The following WWC2 variants were observed in gnomAD, a reference collection of about 807,000 sequenced individuals.
WWC2 encodes the protein WW and C2 domain containing 2, also known as protein WWC2.
A neutral mutation model predicts 138.5 loss-of-function variants in WWC2; 101 were observed. That is an observed-to-expected ratio of 0.73 (90% CI 0.62 to 0.86). WWC2 has a LOEUF of 0.86. Ranked by LOEUF, WWC2 falls within the 40% of genes least tolerant of loss-of-function variation. The pLI is 0.00. For synonymous variants in WWC2, 558 were observed against 538.4 expected (o/e 1.04, Z -0.50); for missense variants, 1,420 against 1,419.4 (o/e 1.00, Z -0.01).
intron 16 of WWC2, among the ~76,000 whole-genome samples, chr4:183,272,922 A>C (rs1487831926): frequency 6.6e-6 from 1 of 152,256 alleles, no homozygotes; most frequent in Middle Eastern, 3.4e-3. Flanking sequence ...TTTGTATACA[A>C]GTGTTTTTGT....
chr4:183,288,338 T>C (rs1488957321), intron 20 of WWC2, among the ~76,000 whole-genome samples: 2 of 152,192 alleles, frequency 1.3e-5, no homozygotes, highest in Non-Finnish European at 2.9e-5. Context: ...CTTGTCAAAT[T>C]TGAGTCCCTC....
At chr4:183,215,718 T>G (rs1735737555) in intron 4 of WWC2, among the ~76,000 whole-genome samples, 1 of 152,170 alleles carries the variant, frequency 6.6e-6, no homozygotes. Context: ...AAATATGTAT[T>G]TTAAAAAAGA....
At chr4:183,256,560 G>A (rs61398962) in intron 9 of WWC2, among the ~76,000 whole-genome samples, 4,399 of 152,188 alleles carry the variant, frequency 0.029, 201 homozygotes, top group African/African-American at 0.1. Flanking sequence ...GGAAGAGAAC[G>A]CCCTTGCCAG....
intron 4 of WWC2, among the ~76,000 whole-genome samples, chr4:183,211,682 C>T (rs887988801): frequency 9.2e-5 from 14 of 152,204 alleles, no homozygotes; most frequent in African/African-American, 2.7e-4. Context: ...TAGCTCTGTG[C>T]AGCTGCCAGC....
At chr4:183,152,959 G>C (rs541143464) in intron 1 of WWC2, among the ~76,000 whole-genome samples, 1 of 152,238 alleles carries the variant, frequency 6.6e-6, no homozygotes, top group South Asian at 2.1e-4. Context: ...ACAGTGGTGT[G>C]AACACAGCTT....
At chr4:183,254,118 G>A (rs1428655753) in intron 9 of WWC2, 119 bp downstream of exon 9, 3 of 1,416,550 alleles carry the variant, frequency 2.1e-6, no homozygotes, top group Non-Finnish European at 2.8e-6. Context: ...CTGAGAAACA[G>A]CACAAATGGA....
At chr4:183,158,442 G>A (rs528995686) in intron 1 of WWC2, among the ~76,000 whole-genome samples, 3 of 151,636 alleles carry the variant, frequency 2.0e-5, no homozygotes, top group East Asian at 4.0e-4. Context: ...TGCAGATGCC[G>A]TCTTCTCCTT....
intron 4 of WWC2, among the ~76,000 whole-genome samples, chr4:183,233,216 G>T (rs969345644): frequency 4.4e-5 from 6 of 135,288 alleles, no homozygotes; most frequent in East Asian, 2.2e-4. Context: ...GAGTGCAATG[G>T]CTTGATCTCG....
chr4:183,302,208 G>A (rs1738864845), intron 21 of WWC2, among the ~76,000 whole-genome samples: 1 of 152,190 alleles, frequency 6.6e-6, no homozygotes, highest in African/African-American at 2.4e-5. Context: ...GATAGTATCA[G>A]TTTGGCCGTG....
At chr4:183,113,883 A>G (rs960548552) in intron 1 of WWC2, among the ~76,000 whole-genome samples, 1 of 151,816 alleles carries the variant, frequency 6.6e-6, no homozygotes, top group African/African-American at 2.4e-5. Flanking sequence ...TAAAAAACCT[A>G]TGTTTTTTTG....
intron 1 of WWC2, among the ~76,000 whole-genome samples, chr4:183,149,871 C>T (rs1278752499): frequency 6.6e-6 from 1 of 152,082 alleles, no homozygotes; most frequent in African/African-American, 2.4e-5. Flanking sequence ...AAACAATGAT[C>T]TCATTCAGTC....
chr4:183,183,812 A>C (rs1007908822), intron 1 of WWC2, among the ~76,000 whole-genome samples: 11 of 152,014 alleles, frequency 7.2e-5, no homozygotes, highest in African/African-American at 2.7e-4. Flanking sequence ...CAAAAACTTG[A>C]TATTTTGATA....
chr4:183,278,606 A>G (rs1251221534), intron 16 of WWC2, among the ~76,000 whole-genome samples: 2 of 151,858 alleles, frequency 1.3e-5, no homozygotes, highest in Non-Finnish European at 2.9e-5. Flanking sequence ...CTTCCTACCC[A>G]TGAGCATGGA....
chr4:183,228,404 G>A lies in WWC2; in HGVS notation c.523-11779G>A, dbSNP rs1736135123. Among the ~76,000 whole-genome samples the A allele has an allele frequency of 2.0e-5, 3 of 151,978 alleles. No individual in the cohort carries two copies. The South Asian group carries it at 6.2e-4, about 31-fold the overall frequency. On this transcript the variant is annotated intron_variant, in intron 4 of 22. Transcript: ENST00000403733. ...TAGTATAGAATAGGTAAATACACGT[G>A]GTTGACAAGCTTTATTTAATTAATG...
chr4:183,178,422 T>TA (rs1194060046), intron 1 of WWC2, among the ~76,000 whole-genome samples: 4 of 111,834 alleles, frequency 3.6e-5, no homozygotes, highest in African/African-American at 1.0e-4. Context: ...ATAAATAAAT[T>TA]TAAAAAATTA....
At chr4:183,164,329 A>ATATATATACATATATATAT (rs1554068579) in intron 1 of WWC2, among the ~76,000 whole-genome samples, 101 of 728 alleles carry the variant, frequency 0.14, no homozygotes, top group African/African-American at 0.26. Flanking sequence ...ACATATATAT[A>ATATATATACATATATATAT]TATATATACA....
intron 1 of WWC2, among the ~76,000 whole-genome samples, chr4:183,103,988 C>A (rs1743272229): frequency 6.6e-6 from 1 of 151,646 alleles, no homozygotes; most frequent in South Asian, 2.1e-4. Context: ...GAGACAGAGT[C>A]TCACATTGTC....
chr4:183,254,354 G>C (rs1737074930), intron 9 of WWC2, among the ~76,000 whole-genome samples: 1 of 152,158 alleles, frequency 6.6e-6, no homozygotes. Context: ...CCTATTCTGG[G>C]TTTTATTACT....
At chr4:183,192,961 TAAAG>T in intron 1 of WWC2, among the ~76,000 whole-genome samples, 1 of 152,144 alleles carries the variant, frequency 6.6e-6, no homozygotes, top group Non-Finnish European at 1.5e-5. Flanking sequence ...GAAAGCGTCT[TAAAG>T]AAAAAAATGG....
Sources: gnomAD v4.1 joint callset for allele counts (sites outside exome capture counted in the v4.1 genomes callset) on GRCh38, gnomAD v4.1.1 for gene constraint, MANE v1.5 for transcripts, NCBI Gene and HGNC (gene_info 2026-07-23, HGNC 2026-07-21) for gene names.